Variants in BAZ2B observed in about 807,000 individuals in gnomAD.
The protein encoded by BAZ2B is bromodomain adjacent to zinc finger domain protein 2B.
In BAZ2B, 91 loss-of-function variants were observed where a neutral mutation model predicts 246.0. The observed-to-expected ratio is 0.37, with a 90% CI of 0.31 to 0.44. The LOEUF (loss-of-function observed/expected upper bound fraction) is 0.44, where lower values mean the gene tolerates loss of function less well. Among genes scored for constraint, BAZ2B ranks in the 20% least tolerant of loss-of-function variants. The probability of loss-of-function intolerance (pLI) is 1.00; values close to 1 mark genes in which losing one functional copy is unlikely to be tolerated. For synonymous variants in BAZ2B, 855 were observed against 860.0 expected, an observed-to-expected ratio of 0.99 and a Z score of 0.10; for missense variants, 2,332 against 2,533.7, an observed-to-expected ratio of 0.92 and a Z score of 1.71.
chr2:159,343,785 G>C (rs1373669156), intron 31 of BAZ2B, among the ~76,000 whole-genome samples: 1 of 152,042 alleles, frequency 6.6e-6, no homozygotes, highest in Non-Finnish European at 1.5e-5. Flanking sequence ...CCAGCACTTT[G>C]GGAGGCTGAG....
chr2:159,683,750 T>C, the BAZ2B span, among the ~76,000 whole-genome samples: 57,825 of 152,080 alleles, frequency 0.38, 13,194 homozygotes, highest in Middle Eastern at 0.6. Flanking sequence ...CTGGCTACAT[T>C]ACTGCAATCT....
At chr2:159,402,065 T>C (rs1352578479) in intron 16 of BAZ2B, among the ~76,000 whole-genome samples, 1 of 152,248 alleles carries the variant, frequency 6.6e-6, no homozygotes, top group Admixed American at 6.5e-5. Flanking sequence ...TAGGAATTAC[T>C]GTTTTGATTT....
intron 2 of BAZ2B, among the ~76,000 whole-genome samples, chr2:159,549,034 C>T (rs188917834): frequency 3.4e-4 from 52 of 152,206 alleles, no homozygotes; most frequent in Non-Finnish European, 6.5e-4. Context: ...AATCCCAGCA[C>T]TTATGGGAGG....
intron 31 of BAZ2B, among the ~76,000 whole-genome samples, chr2:159,338,885 T>C (rs1212244424): frequency 6.6e-6 from 1 of 152,178 alleles, no homozygotes; most frequent in Non-Finnish European, 1.5e-5. Flanking sequence ...CATTACTCTG[T>C]TCTCAACAAT....
intron 3 of BAZ2B, among the ~76,000 whole-genome samples, chr2:159,475,023 G>A (rs769621662): frequency 6.6e-5 from 10 of 152,028 alleles, no homozygotes; most frequent in African/African-American, 9.7e-5. Context: ...TGAATCTGAC[G>A]ATTCTGTGTC....
chr2:159,609,727 C>T (rs1694298446), intron 1 of BAZ2B, among the ~76,000 whole-genome samples: 1 of 151,722 alleles, frequency 6.6e-6, no homozygotes, highest in African/African-American at 2.4e-5. Flanking sequence ...AAAATTGAAC[C>T]TGTTCTGTGT....
At chr2:159,479,564 C>T (rs2150937630) in intron 2 of BAZ2B, among the ~76,000 whole-genome samples, 1 of 152,212 alleles carries the variant, frequency 6.6e-6, no homozygotes. Context: ...TGATCAGCCA[C>T]ATGAAAACTC....
chr2:159,356,341 G>A (rs959911545), intron 27 of BAZ2B, among the ~76,000 whole-genome samples: 2 of 152,208 alleles, frequency 1.3e-5, no homozygotes, highest in African/African-American at 4.8e-5. Flanking sequence ...TGGGTAGGCC[G>A]TTTTCCCCTC....
At chr2:159,707,312 G>T in the BAZ2B span, among the ~76,000 whole-genome samples, 1 of 152,108 alleles carries the variant, frequency 6.6e-6, no homozygotes, top group Non-Finnish European at 1.5e-5. Flanking sequence ...CACTTTGGGA[G>T]GCCAAGGCAG....
the BAZ2B span, among the ~76,000 whole-genome samples, chr2:159,701,615 ATTC>A: frequency 4.7e-5 from 7 of 148,396 alleles, no homozygotes; most frequent in Admixed American, 1.3e-4. Context: ...TTCATATTTT[ATTC>A]TTCTTAAATT....
intron 20 of BAZ2B, 129 bp downstream of exon 20, chr2:159,395,640 T>C (rs963322007): frequency 5.6e-6 from 4 of 711,000 alleles, no homozygotes; most frequent in Non-Finnish European, 8.9e-6. Context: ...TCTAAACTTT[T>C]GGTTTGCATA....
At position 159,574,120 on chromosome 2, in the gene BAZ2B, G is replaced by GAC. The variant is rs752237787; in HGVS notation, c.-45-18257_-45-18256dup. On this transcript the variant is annotated intron_variant, in intron 1 of 36. Transcript: ENST00000392783. Reference sequence around the variant, plus strand: ...ACCCTGACAGATGGAGAGACTGACAGACACACACACACACACACACATACA... The same window carrying GAC: ...ACCCTGACAGATGGAGAGACTGACAGACACACACACACACACACACACATACA... 4.3e-4 allele frequency among the ~76,000 whole-genome samples: 57 copies of GAC among 132,226 alleles called. No homozygotes were observed. In the South Asian group the frequency reaches 0.01, roughly 24 times the overall value. The allele number at this position is 132,226 out of a possible 152,430, so 86.7% of individuals were successfully genotyped here. A position where few individuals can be genotyped will look rare whatever the true frequency, so the allele number is the denominator to read the frequency against.
intron 2 of BAZ2B, among the ~76,000 whole-genome samples, chr2:159,487,147 GAAAGATTTCT>G (rs1381775881): frequency 6.6e-6 from 1 of 152,098 alleles, no homozygotes; most frequent in Admixed American, 6.5e-5. Context: ...AACAAAAAGA[GAAAGATTTCT>G]AAAGGTTTGT....
intron 34 of BAZ2B, among the ~76,000 whole-genome samples, chr2:159,328,070 G>GAAAAAAAAAAA (rs1306873341): frequency 2.0e-5 from 1 of 49,530 alleles, no homozygotes; most frequent in African/African-American, 6.3e-5. Context: ...GCCTCAAAAC[G>GAAAAAAAAAAA]AAAAAAAAAA....
chr2:159,539,114 A>T (rs1228315751), intron 2 of BAZ2B, among the ~76,000 whole-genome samples: 1 of 152,204 alleles, frequency 6.6e-6, no homozygotes, highest in Non-Finnish European at 1.5e-5. Flanking sequence ...ACCCATAAGG[A>T]TCATATCATG....
chr2:159,570,530 A>T (rs1683743207), intron 1 of BAZ2B, among the ~76,000 whole-genome samples: 1 of 152,192 alleles, frequency 6.6e-6, no homozygotes, highest in Admixed American at 6.5e-5. Context: ...AAGACAGGAT[A>T]TAAAAAATGT....
At chr2:159,447,172 C>T (rs149722235) in intron 5 of BAZ2B, among the ~76,000 whole-genome samples, 197 bp from the exon 6 acceptor site, 11 of 151,760 alleles carry the variant, frequency 7.2e-5, no homozygotes, top group Admixed American at 1.3e-4. Context: ...GAAAACTGAT[C>T]GCTTCCAGGG....
At chr2:159,424,682 G>A (rs2069449997) in intron 13 of BAZ2B, among the ~76,000 whole-genome samples, 1 of 152,072 alleles carries the variant, frequency 6.6e-6, no homozygotes, top group African/African-American at 2.4e-5. Flanking sequence ...TTAGTATCCA[G>A]GACCTCCCTC....
the BAZ2B span, among the ~76,000 whole-genome samples, chr2:159,662,063 T>C: frequency 0.051 from 7,809 of 152,350 alleles, 310 homozygotes; most frequent in Middle Eastern, 0.13. Flanking sequence ...GATTTACCTA[T>C]TCTGGATATT....
Sources: allele counts gnomAD v4.1 joint callset (sites outside exome capture counted in the v4.1 genomes callset), GRCh38; gene constraint gnomAD v4.1.1; transcripts MANE v1.5; gene names NCBI Gene and HGNC (gene_info 2026-07-23, HGNC 2026-07-21).